CNTNAP5: variants seen among roughly 807,000 people sequenced by gnomAD.
CNTNAP5 encodes the protein contactin-associated protein-like 5.
Under a neutral mutation model 150.2 loss-of-function variants are expected in CNTNAP5, and 72 were observed. The ratio of observed to expected loss-of-function variants is 0.48; its 90% CI spans 0.40 to 0.58. The LOEUF (loss-of-function observed/expected upper bound fraction) is 0.58, where lower values mean the gene tolerates loss of function less well. Ranked by LOEUF, CNTNAP5 falls within the 20% of genes least tolerant of loss-of-function variation. The probability of loss-of-function intolerance (pLI) is 0.00; values close to 1 mark genes in which losing one functional copy is unlikely to be tolerated. For missense variants in CNTNAP5, 1,636 were observed against 1,626.2 expected (o/e 1.01, Z -0.10); for synonymous variants, 672 against 619.8 (o/e 1.08, Z -1.25).
intron 21 of CNTNAP5, among the ~76,000 whole-genome samples, chr2:124,896,914 G>A (rs186563485): frequency 6.6e-6 from 1 of 151,664 alleles, no homozygotes; most frequent in Admixed American, 6.6e-5. Flanking sequence ...ATTTCAGACA[G>A]AGTTAACTTC....
At chr2:124,716,675 G>T (rs185770654) in intron 13 of CNTNAP5, among the ~76,000 whole-genome samples, 1 of 152,038 alleles carries the variant, frequency 6.6e-6, no homozygotes, top group Admixed American at 6.6e-5. Context: ...ATTCATGCTT[G>T]ATATCGAGGA....
At chr2:124,900,622 G>T (rs757221211) in intron 21 of CNTNAP5, among the ~76,000 whole-genome samples, 1 of 151,508 alleles carries the variant, frequency 6.6e-6, no homozygotes, top group Non-Finnish European at 1.5e-5. Context: ...TACATCTGGA[G>T]TATGTCATGA....
At chr2:124,301,595 A>G (rs1236915226) in intron 3 of CNTNAP5, among the ~76,000 whole-genome samples, 1 of 152,220 alleles carries the variant, frequency 6.6e-6, no homozygotes, top group African/African-American at 2.4e-5. Flanking sequence ...AGAAAGCAGG[A>G]CACACTCATA....
intron 13 of CNTNAP5, among the ~76,000 whole-genome samples, chr2:124,729,257 A>G (rs115050632): frequency 0.024 from 3,589 of 152,236 alleles, 147 homozygotes; most frequent in African/African-American, 0.083. Context: ...TTCTTAGTTG[A>G]GAACTCTAAT....
chr2:124,080,944 T>C (rs1361561349), intron 1 of CNTNAP5, among the ~76,000 whole-genome samples: 1 of 152,148 alleles, frequency 6.6e-6, no homozygotes, highest in African/African-American at 2.4e-5. Flanking sequence ...ACATGTTTGT[T>C]AGAGGTGATT....
At chr2:124,776,880 G>T (rs1681336002) in intron 17 of CNTNAP5, among the ~76,000 whole-genome samples, 1 of 152,064 alleles carries the variant, frequency 6.6e-6, no homozygotes, top group Admixed American at 6.6e-5. Flanking sequence ...ATAAATCTCT[G>T]ATTATGTCTA....
chr2:124,065,167 G>C (rs1236691718), intron 1 of CNTNAP5, among the ~76,000 whole-genome samples: 4 of 152,098 alleles, frequency 2.6e-5, no homozygotes, highest in Non-Finnish European at 4.4e-5. Context: ...GAAGGGGAAA[G>C]TACAGACACT....
intron 10 of CNTNAP5, among the ~76,000 whole-genome samples, chr2:124,550,248 C>G (rs893453591): frequency 6.6e-6 from 1 of 152,110 alleles, no homozygotes; most frequent in Non-Finnish European, 1.5e-5. Context: ...AATAAAACCC[C>G]ACAATTTGCA....
intron 3 of CNTNAP5, among the ~76,000 whole-genome samples, chr2:124,333,206 C>T (rs760742196): frequency 1.2e-4 from 18 of 151,964 alleles, no homozygotes; most frequent in Non-Finnish European, 2.4e-4. Context: ...GAAGTTGAAG[C>T]TATAGTGAGC....
At chr2:124,113,366 C>T (rs531077367) in intron 1 of CNTNAP5, among the ~76,000 whole-genome samples, 54 of 152,082 alleles carry the variant, frequency 3.6e-4, no homozygotes, top group African/African-American at 1.2e-3. Flanking sequence ...TTAAAAAATT[C>T]TTTATTGTAC....
chr2:124,551,210 A>G (rs1253407532), intron 10 of CNTNAP5, among the ~76,000 whole-genome samples: 2 of 152,018 alleles, frequency 1.3e-5, no homozygotes, highest in East Asian at 1.9e-4. Flanking sequence ...TTGCTTGTCC[A>G]TTATCTGGGG....
intron 19 of CNTNAP5, among the ~76,000 whole-genome samples, chr2:124,833,726 G>C (rs893115109): frequency 1.3e-5 from 2 of 152,084 alleles, no homozygotes; most frequent in African/African-American, 2.4e-5. Flanking sequence ...AATCACATCA[G>C]GGTTTCAATT....
At chr2:124,605,318 G>T (rs1260776671) in intron 11 of CNTNAP5, among the ~76,000 whole-genome samples, 10 of 152,186 alleles carry the variant, frequency 6.6e-5, no homozygotes, top group Admixed American at 6.5e-4. Flanking sequence ...AAGAACTGAT[G>T]CACTGAGGAT....
At chr2:124,440,117 C>A (rs1335039895) in intron 5 of CNTNAP5, among the ~76,000 whole-genome samples, 1 of 152,062 alleles carries the variant, frequency 6.6e-6, no homozygotes, top group Non-Finnish European at 1.5e-5. Flanking sequence ...GGAGACTCAC[C>A]TTTCTGCAGG....
chr2:124,733,098 G>T (rs1468515909), intron 13 of CNTNAP5, among the ~76,000 whole-genome samples: 3 of 152,094 alleles, frequency 2.0e-5, no homozygotes, highest in African/African-American at 7.2e-5. Context: ...TTTAAGAAAA[G>T]ATTAGGAGCT....
In CNTNAP5 at chr2:124,574,812, A is replaced by G. The variant is rs201646248; in HGVS notation, c.1756+11489A>G. On this transcript the variant is annotated intron_variant, in intron 11 of 23. Transcript: ENST00000682447. Reference sequence around the variant, plus strand: ...TTCCGATTCATGCAAATATATTTTGACTATGTAATTCAGAGACAAAAGTCA... The same window carrying G: ...TTCCGATTCATGCAAATATATTTTGGCTATGTAATTCAGAGACAAAAGTCA... Among the ~76,000 whole-genome samples the G allele has an allele frequency of 3.3e-5, 5 of 152,238 alleles. No homozygotes were observed. In the East Asian group the frequency reaches 9.6e-4, roughly 29 times the overall value.
intron 14 of CNTNAP5, among the ~76,000 whole-genome samples, chr2:124,751,275 C>A (rs1036949622): frequency 6.6e-6 from 1 of 152,098 alleles, no homozygotes; most frequent in African/African-American, 2.4e-5. Flanking sequence ...ATATAAAAAT[C>A]ACCGGCCTCT....
At chr2:124,417,731 C>A in intron 4 of CNTNAP5, 141 bp downstream of exon 4, 1 of 810,158 alleles carries the variant, frequency 1.2e-6, no homozygotes, top group Non-Finnish European at 1.9e-6. Flanking sequence ...TAAAAATGTT[C>A]AATTCAATCC....
chr2:124,795,066 G>C (rs1333704089), intron 18 of CNTNAP5, among the ~76,000 whole-genome samples: 1 of 152,090 alleles, frequency 6.6e-6, no homozygotes, highest in Non-Finnish European at 1.5e-5. Flanking sequence ...CTTTCTGTTT[G>C]TTCTAATTCC....
Sources: allele counts gnomAD v4.1 joint callset (sites outside exome capture counted in the v4.1 genomes callset), GRCh38; gene constraint gnomAD v4.1.1; transcripts MANE v1.5; gene names NCBI Gene and HGNC (gene_info 2026-07-23, HGNC 2026-07-21).